Variants in SPNS2 observed in about 807,000 individuals in gnomAD.
The protein encoded by SPNS2 is SPNS lysolipid transporter 2, sphingosine-1-phosphate, also known as sphingosine-1-phosphate transporter SPNS2.
SPNS2 carries 37 observed loss-of-function variants against 57.6 expected under a neutral mutation model. The observed-to-expected ratio is 0.64, with a 90% CI of 0.49 to 0.85. The LOEUF is 0.85. Among genes scored for constraint, SPNS2 ranks in the 40% least tolerant of loss-of-function variants. The pLI, the probability that SPNS2 is intolerant of heterozygous loss-of-function variation, is 0.00. For missense variants in SPNS2, 831 were observed against 779.1 expected, an observed-to-expected ratio of 1.07 and a Z score of -0.79; for synonymous variants, 440 against 346.9, an observed-to-expected ratio of 1.27 and a Z score of -2.98.
At position 4,525,202 on chromosome 17, in the gene SPNS2, C is replaced by T. The variant is rs752344334; in HGVS notation, c.573+9C>T. On this transcript the variant is annotated intron_variant, in intron 3 of 12. Transcript: ENST00000329078. ...CCTTCATTCCCCAGCAGGTGAGGCC[C>T]GGCTCGGCTTCTCCCCGACCCCTGT... 7.4e-6 allele frequency: 12 copies of T among 1,613,504 alleles called. No individual in the cohort carries two copies. The highest frequency in any genetic ancestry group is 1.7e-5 in the Admixed American group (1 of 59,996).
intron 3 of SPNS2, among the ~76,000 whole-genome samples, chr17:4,527,832 G>C (rs192844147): frequency 6.6e-6 from 1 of 151,948 alleles, no homozygotes; most frequent in African/African-American, 2.4e-5. Flanking sequence ...AGAGCGAAAC[G>C]GCAGGATATT....
rs994041955 is a variant in SPNS2 at position 4,512,851 on chromosome 17, C to T, written c.371-396C>T. On this transcript the variant is annotated intron_variant, in intron 1 of 12. Transcript: ENST00000329078. This position sits in a 1 kb window ranked among gnomAD's most constrained non-coding sequence, Gnocchi z 5.2. ...AGAGGGCTCCCCGCAGCTTTCAGGG[C>T]CCCCGCTGCTCTCTGAGTCATGGGC... Among the ~76,000 whole-genome samples, 17 of 152,184 alleles carry T rather than the reference C, an allele frequency of 1.1e-4. No individual in the cohort carries two copies. The highest frequency in any genetic ancestry group is 1.5e-5 in the Non-Finnish European group (1 of 68,020).
intron 1 of SPNS2, among the ~76,000 whole-genome samples, chr17:4,503,822 G>A (rs1904598345): frequency 6.6e-6 from 1 of 152,170 alleles, no homozygotes; most frequent in South Asian, 2.1e-4. Context: ...GCTGAGACTG[G>A]TATCCATGGC....
chr17:4,506,155 G>C (rs1904671539), intron 1 of SPNS2, among the ~76,000 whole-genome samples: 1 of 152,128 alleles, frequency 6.6e-6, no homozygotes, highest in Non-Finnish European at 1.5e-5. Context: ...GCTCGGCCTG[G>C]CTCCTGCAGC....
chr17:4,517,384 G>A (rs1048483885), intron 2 of SPNS2, among the ~76,000 whole-genome samples: 12 of 152,194 alleles, frequency 7.9e-5, no homozygotes, highest in Admixed American at 2.0e-4. Context: ...CAGGCCAGGC[G>A]CGGTGGCTCA....
At chr17:4,526,707 C>A (rs1905270970) in intron 3 of SPNS2, among the ~76,000 whole-genome samples, 2 of 152,144 alleles carry the variant, frequency 1.3e-5, no homozygotes, top group African/African-American at 2.4e-5. Context: ...GCTAGAGGGC[C>A]TGGGCTTCCT....
At chr17:4,513,219 C>T (rs904993463) in intron 1 of SPNS2, 28 bp from the exon 2 acceptor site, 7 of 1,612,142 alleles carry the variant, frequency 4.3e-6, no homozygotes, top group African/African-American at 1.3e-5. Context: ...CAGACTCGGC[C>T]AGTGAGCACC....
chr17:4,530,825 A>C, intron 4 of SPNS2, 42 bp downstream of exon 4: 1 of 1,593,690 alleles, frequency 6.3e-7, no homozygotes, highest in African/African-American at 1.3e-5. Context: ...GGATCTGGGC[A>C]AGGTTCCCTT....
intron 9 of SPNS2, among the ~76,000 whole-genome samples, chr17:4,535,343 C>G (rs1314660862): frequency 6.6e-6 from 1 of 152,174 alleles, no homozygotes; most frequent in Non-Finnish European, 1.5e-5. Context: ...GCCTCACCAG[C>G]TCCTGTCCCA....
In SPNS2 at chr17:4,531,059, G is replaced by A. The variant is rs746296926; in HGVS notation, c.732G>A (p.Leu244=). ...GTGTGTCTCTTCTCTGCAGTGGCCT[G>A]GGCTACATTACTGGCTCCAGCGTGA... ...FYFAIPLGSG[L]GYITGSSVKQ... The change falls in exon 5 of 13, where the codon CTG becomes CTA. Residue 244 remains leucine, a synonymous_variant. Transcript: ENST00000329078. 1 of 1,614,046 alleles carries A rather than the reference G, an allele frequency of 6.2e-7. No individual in the cohort carries two copies. Among genetic ancestry groups the A allele is most frequent in the South Asian group, 1.1e-5 (1 of 91,070 alleles).
chr17:4,499,148 C>G lies in SPNS2; in HGVS notation c.101C>G (p.Ala34Gly). The G allele has an allele frequency of 8.4e-7, 1 of 1,189,508 alleles. No homozygotes were observed. The highest frequency in any genetic ancestry group is 1.0e-6 in the Non-Finnish European group (1 of 960,586). 73.7% of individuals were successfully genotyped at this position (1,189,508 alleles called of 1,614,324 possible). The stretch of plus-strand genomic sequence containing the variant: ...CGGCGCCGGGGGGCGCAGCGAGGGG[C>G]TGGCGGTAGCGGTTGCTGCGGGGCG... ...RRRRRGAQRGAGGSGCCGARG... is the reference protein window; with the variant it reads ...RRRRRGAQRGGGGSGCCGARG... The change falls in exon 1 of 13, where the codon GCT (alanine) becomes GGT (glycine). Residue 34 changes from alanine to glycine, a missense_variant. Ala to Gly is a moderately conservative substitution (Grantham distance 60). Coordinates refer to ENST00000329078, the MANE Select transcript of SPNS2 (RefSeq NM_001124758.3). The surrounding 1 kb of genome is among the most constrained non-coding windows in gnomAD (Gnocchi z 5.2).
chr17:4,508,437 G>T (rs938243245), intron 1 of SPNS2, among the ~76,000 whole-genome samples: 1 of 152,250 alleles, frequency 6.6e-6, no homozygotes. Context: ...TTCCCTAAAG[G>T]TGATTGGGAT....
intron 3 of SPNS2, among the ~76,000 whole-genome samples, chr17:4,528,845 C>T (rs1471443276): frequency 3.9e-5 from 6 of 152,158 alleles, no homozygotes; most frequent in African/African-American, 1.4e-4. Flanking sequence ...GTGATCACAG[C>T]TCACTGCAGG....
In SPNS2 at chr17:4,533,034, C is replaced by A; in HGVS notation, c.993C>A (p.Ala331=). The A allele has an allele frequency of 6.2e-7, 1 of 1,613,380 alleles. No individual in the cohort carries two copies. Among genetic ancestry groups the A allele is most frequent in the Non-Finnish European group, 8.5e-7 (1 of 1,179,976 alleles). The change falls in exon 7 of 13, where the codon GCC becomes GCA. Residue 331 remains alanine, a synonymous_variant. Transcript: ENST00000329078. The part of the protein sequence containing the change: ...ATSAVSFATG[A]LGMWIPLYLH... ...CGGCTGTCTCCTTCGCCACGGGGGC[C>A]CTGGGCATGTGGATCCCGCTCTACC...
chr17:4,499,257 A>G lies in SPNS2; in HGVS notation c.210A>G (p.Gly70=). The change falls in exon 1 of 13, where the codon GGA becomes GGG. Residue 70 remains glycine (G), a synonymous_variant. Transcript: ENST00000329078. This position sits in a 1 kb window ranked among gnomAD's most constrained non-coding sequence, Gnocchi z 5.2. ...LSGSVRRAPT[G]PPGTPGTPGC... is the part of the protein sequence containing the mutation. ...GCAGCGTAAGGCGGGCCCCGACCGG[A>G]CCCCCCGGCACCCCCGGCACCCCCG... The G allele has an allele frequency of 1.4e-6, 2 of 1,469,432 alleles. No homozygotes were observed. Among genetic ancestry groups the G allele is most frequent in the Non-Finnish European group, 8.9e-7 (1 of 1,117,912 alleles). 91.0% of individuals were successfully genotyped at this position (1,469,432 alleles called of 1,614,324 possible).
intron 1 of SPNS2, among the ~76,000 whole-genome samples, chr17:4,508,557 A>G (rs542758329): frequency 6.6e-6 from 1 of 152,236 alleles, no homozygotes; most frequent in Admixed American, 6.5e-5. Context: ...GCCTGGAGTC[A>G]GGGGCTGTAT....
In SPNS2 at chr17:4,536,330, C is replaced by A; in HGVS notation, c.1511C>A (p.Ala504Glu). 6.2e-7 allele frequency: 1 copy of A among 1,611,998 alleles called. No individual in the cohort carries two copies. Residue 504 changes from alanine (A) to glutamate (E), a missense_variant, in exon 11 of 13, where the codon GCG becomes GAG. Coordinates refer to ENST00000329078, the MANE Select transcript of SPNS2 (RefSeq NM_001124758.3). ...TGGGAGTTCCTGAGCCTGGGCTACGCGCTCATGCTCTGCCCTTTCGTCGTG... is the reference window on the plus strand; with the variant it reads ...TGGGAGTTCCTGAGCCTGGGCTACGAGCTCATGCTCTGCCCTTTCGTCGTG... Reference protein sequence around the residue: ...PLWEFLSLGYALMLCPFVVVL... With the variant: ...PLWEFLSLGYELMLCPFVVVL...
Position 4,499,158 on chromosome 17 carries a change from C to T in SPNS2, c.111C>T (p.Ser37=). ...GGGCGCAGCGAGGGGCTGGCGGTAG[C>T]GGTTGCTGCGGGGCGCGGGGCGCGG... The part of the protein sequence containing the change: ...RRGAQRGAGG[S]GCCGARGAGG... The change falls in exon 1 of 13, where the codon AGC becomes AGT. Residue 37 remains serine (S), a synonymous_variant. Transcript: ENST00000329078. The surrounding 1 kb of genome is among the most constrained non-coding windows in gnomAD (Gnocchi z 5.2). 4 of 1,209,206 alleles carry T rather than the reference C, an allele frequency of 3.3e-6. No individual in the cohort carries two copies. The highest frequency in any genetic ancestry group is 4.1e-6 in the Non-Finnish European group (4 of 974,038). 74.9% of individuals were successfully genotyped at this position (1,209,206 alleles called of 1,614,324 possible). A position where few individuals can be genotyped will look rare whatever the true frequency, so the allele number is the denominator to read the frequency against.
intron 2 of SPNS2, among the ~76,000 whole-genome samples, chr17:4,521,279 C>A (rs1050470440): frequency 4.6e-5 from 7 of 152,250 alleles, no homozygotes; most frequent in African/African-American, 1.7e-4. Flanking sequence ...CCTCCTCCCC[C>A]AACATGTGTC....
Sources: allele counts gnomAD v4.1 joint callset (sites outside exome capture counted in the v4.1 genomes callset), GRCh38; gene constraint gnomAD v4.1.1; non-coding constraint Gnocchi (gnomAD v3.1); transcripts MANE v1.5; gene names NCBI Gene and HGNC (gene_info 2026-07-23, HGNC 2026-07-21).